CD68: variants seen among roughly 807,000 people sequenced by gnomAD.
The protein encoded by CD68 is macrosialin.
In CD68, 24 loss-of-function variants were observed where a neutral mutation model predicts 31.3. The ratio of observed to expected loss-of-function variants is 0.77; its 90% CI spans 0.55 to 1.08. The LOEUF is 1.08. Ranked by LOEUF, CD68 falls within the 50% of genes least tolerant of loss-of-function variation. CD68 has a pLI of 0.00. For synonymous variants in CD68, 190 were observed against 179.6 expected (o/e 1.06, Z -0.46); for missense variants, 461 against 442.5 (o/e 1.04, Z -0.38).
Position 7,579,961 on chromosome 17 carries a change from A to C in CD68, c.201A>C (p.Thr67=). ...CCACCACTCACAGGACAACCACCAC[A>C]GGCACCACCAGCCACGGACCCACGA... ...HKTTTHRTTT[T]GTTSHGPTTA... Residue 67 remains threonine (T), a synonymous_variant, in exon 2 of 6, where the codon ACA becomes ACC. Transcript: ENST00000250092. The C allele has an allele frequency of 6.2e-7, 1 of 1,613,604 alleles. No homozygotes were observed. Among genetic ancestry groups the C allele is most frequent in the Non-Finnish European group, 8.5e-7 (1 of 1,179,756 alleles).
At position 7,580,216 on chromosome 17, in the gene CD68, C is replaced by T. The variant is rs2150929716; in HGVS notation, c.456C>T (p.Thr152=). ...PPPPSPSPSP[T]SKETIGDYTW... ...CACCCTCTCCGAGTCCTAGCCCAAC[C>T]TCCAAGGAGACCATTGGAGACTACA... Residue 152 remains threonine, a synonymous_variant, in exon 2 of 6, where the codon ACC becomes ACT. Coordinates refer to ENST00000250092, the MANE Select transcript of CD68 (RefSeq NM_001251.3). The surrounding 1 kb of genome is among the most constrained non-coding windows in gnomAD (Gnocchi z 4.3). The T allele has an allele frequency of 6.2e-7, 1 of 1,613,664 alleles. No individual in the cohort carries two copies. Among genetic ancestry groups the T allele is most frequent in the African/African-American group, 1.3e-5 (1 of 74,828 alleles).
rs1184635806 is a variant in CD68 at position 7,581,123 on chromosome 17, T to C, written c.931+57T>C. 10 of 1,481,120 alleles carry C rather than the reference T, an allele frequency of 6.8e-6. No homozygotes were observed. The South Asian group carries it at 1.1e-4, about 17-fold the overall frequency. The allele number at this position is 1,481,120 out of a possible 1,614,324, so 91.7% of individuals were successfully genotyped here. On this transcript the variant is annotated intron_variant, in intron 5 of 5. Coordinates refer to ENST00000250092, the MANE Select transcript of CD68 (RefSeq NM_001251.3). Reference sequence around the variant, plus strand: ...TCCTCCCACTGCACTGAAAACCCCTTCCCCAGGCCCATAAGCCACTCATCT... The same window carrying C: ...TCCTCCCACTGCACTGAAAACCCCTCCCCCAGGCCCATAAGCCACTCATCT...
At position 7,580,540 on chromosome 17, in the gene CD68, G is replaced by C. The variant is rs2071470499; in HGVS notation, c.642G>C (p.Leu214=). ...GCTGTGAGGGTGCCCATCCCCACCTGCTTCTCTCATTCCCCTATGGACACC... is the reference window on the plus strand; with the variant it reads ...GCTGTGAGGGTGCCCATCCCCACCTCCTTCTCTCATTCCCCTATGGACACC... The part of the protein sequence containing the change: ...QGSCEGAHPH[L]LLSFPYGHLS... Residue 214 remains leucine (L), a synonymous_variant, in exon 3 of 6, where the codon CTG becomes CTC. Coordinates refer to ENST00000250092, the MANE Select transcript of CD68 (RefSeq NM_001251.3). The surrounding 1 kb of genome is among the most constrained non-coding windows in gnomAD (Gnocchi z 4.3). 6 of 1,613,900 alleles carry C rather than the reference G, an allele frequency of 3.7e-6. No individual in the cohort carries two copies. The highest frequency in any genetic ancestry group is 3.4e-6 in the Non-Finnish European group (4 of 1,179,994).
Position 7,579,849 on chromosome 17 carries a change from C to T in CD68, c.89C>T (p.Ala30Val), listed in dbSNP as rs746856257. Residue 30 changes from alanine (A) to valine (V), a missense_variant, in exon 2 of 6, where the codon GCT becomes GTT. Physicochemically the swap from Ala to Val is moderately conservative, Grantham distance 64. Transcript: ENST00000250092. ...AATGACTGTCCTCACAAAAAATCAG[C>T]TACTTTGCTGCCATCCTTCACGGTG... Reference protein sequence around the residue: ...TGNDCPHKKSATLLPSFTVTP... With the variant: ...TGNDCPHKKSVTLLPSFTVTP... The T allele has an allele frequency of 6.8e-6, 11 of 1,614,018 alleles. No homozygotes were observed. The highest frequency in any genetic ancestry group is 8.5e-6 in the Non-Finnish European group (10 of 1,179,986).
rs577632522 is a variant in CD68, at chr17:7,581,568, C to T, written c.*57C>T. ...GGTTGGGGTGTGGTGGGGGGGTACC[C>T]TTATTTCCTCGACACGCAACTGGCT... is the stretch of plus-strand genomic sequence containing the variant. On this transcript the variant is annotated 3_prime_UTR_variant, in exon 6 of 6. Coordinates refer to ENST00000250092, the MANE Select transcript of CD68 (RefSeq NM_001251.3). 1.3e-6 allele frequency: 2 copies of T among 1,563,058 alleles called. No homozygotes were observed. The highest frequency in any genetic ancestry group is 1.8e-6 in the Non-Finnish European group (2 of 1,136,260).
chr17:7,581,019 T>G lies in CD68; in HGVS notation c.884T>G (p.Leu295Arg), dbSNP rs1597856074. 6 of 1,614,024 alleles carry G rather than the reference T, an allele frequency of 3.7e-6. 1 individual carries two copies. In the East Asian group the frequency reaches 1.3e-4, roughly 36 times the overall value. The change falls in exon 5 of 6, where the codon CTG (leucine) becomes CGG (arginine). Residue 295 changes from leucine (L) to arginine (R), a missense_variant. Leu to Arg is a moderately radical substitution (Grantham distance 102). Transcript: ENST00000250092. ...SPAVHLDLLS[L>R]RLQAAQLPHT... is the part of the protein sequence containing the mutation. ...GCTGTCCACCTCGACCTGCTCTCCC[T>G]GAGGCTCCAGGCTGCTCAGCTGCCC...
Position 7,580,783 on chromosome 17 carries a change from C to T in CD68, c.760C>T (p.Gln254Ter), listed in dbSNP as rs9901673. The T allele has an allele frequency of 3.1e-6, 5 of 1,613,690 alleles. No individual in the cohort carries two copies. The highest frequency in any genetic ancestry group is 1.6e-4 in the Middle Eastern group (1 of 6,084). ...CAATGTGTCCTTCCCCCACGCAGCACGTAAGTAACCTCCTTCCCTTTCTCA... is the reference window on the plus strand; with the variant it reads ...CAATGTGTCCTTCCCCCACGCAGCATGTAAGTAACCTCCTTCCCTTTCTCA... ...EYNVSFPHAA[Q>*]WTFSAQNASL... The change falls in exon 4 of 6, where the codon CAG becomes TAG. Residue 254 changes from glutamine (Q) to a stop codon, truncating the protein, a stop_gained and splice_region_variant. Coordinates refer to ENST00000250092, the MANE Select transcript of CD68 (RefSeq NM_001251.3). LOFTEE classifies it high-confidence loss of function. The surrounding 1 kb of genome is among the most constrained non-coding windows in gnomAD (Gnocchi z 4.3).
In CD68 at chr17:7,580,512, G is replaced by A. The variant is rs1363401312; in HGVS notation, c.614G>A (p.Gly205Glu). The A allele has an allele frequency of 6.2e-7, 1 of 1,614,034 alleles. No homozygotes were observed. The highest frequency in any genetic ancestry group is 8.5e-7 in the Non-Finnish European group (1 of 1,180,008). ...VLNPNKTKVQ[G>E]SCEGAHPHLL... is the part of the protein sequence containing the mutation. Reference sequence around the variant, plus strand: ...AACCCCAACAAAACCAAGGTCCAGGGAAGCTGTGAGGGTGCCCATCCCCAC... The same window carrying A: ...AACCCCAACAAAACCAAGGTCCAGGAAAGCTGTGAGGGTGCCCATCCCCAC... The change falls in exon 3 of 6, where the codon GGA becomes GAA. Residue 205 changes from glycine (G) to glutamate (E), a missense_variant. Coordinates refer to ENST00000250092, the MANE Select transcript of CD68 (RefSeq NM_001251.3). This position sits in a 1 kb window ranked among gnomAD's most constrained non-coding sequence, Gnocchi z 4.3.
Position 7,580,307 on chromosome 17 carries a change from A to G in CD68, c.547A>G (p.Thr183Ala). 1.2e-6 allele frequency: 2 copies of G among 1,613,852 alleles called. No individual in the cohort carries two copies. The highest frequency in any genetic ancestry group is 1.7e-6 in the Non-Finnish European group (2 of 1,179,860). Residue 183 changes from threonine (T) to alanine (A), a missense_variant, in exon 2 of 6, where the codon ACA (threonine) becomes GCA (alanine). Transcript: ENST00000250092. The surrounding 1 kb of genome is among the most constrained non-coding windows in gnomAD (Gnocchi z 4.3). ...QAQIQIRVMY[T>A]TQGGGEAWGI... ...CCAGATTCAGATTCGAGTCATGTAC[A>G]CAACCCAGGGTGGAGGAGAGGTAAA...
chr17:7,581,682 G>A lies in CD68; in HGVS notation c.*171G>A. On this transcript the variant is annotated 3_prime_UTR_variant, in exon 6 of 6. Coordinates refer to ENST00000250092, the MANE Select transcript of CD68 (RefSeq NM_001251.3). ...CATGCCTGTAATCCCAGCACTTTGG[G>A]AGGCTGAGGCAGGTGGATCACTGGA... 2 of 676,496 alleles carry A rather than the reference G, an allele frequency of 3.0e-6. No individual in the cohort carries two copies. Among genetic ancestry groups the A allele is most frequent in the Non-Finnish European group, 4.9e-6 (2 of 410,980 alleles). The allele number at this position is 676,496 out of a possible 1,614,324, so 41.9% of individuals were successfully genotyped here. A position where few individuals can be genotyped will look rare whatever the true frequency, so the allele number is the denominator to read the frequency against.
Position 7,580,096 on chromosome 17 carries a change from C to T in CD68, c.336C>T (p.Ala112=). The change falls in exon 2 of 6, where the codon GCC becomes GCT. Residue 112 remains alanine (A), a synonymous_variant. Coordinates refer to ENST00000250092, the MANE Select transcript of CD68 (RefSeq NM_001251.3). This position sits in a 1 kb window ranked among gnomAD's most constrained non-coding sequence, Gnocchi z 4.3. ...QGPSTATHSP[A]TTSHGNATVH... ...CCTCAACTGCCACTCACAGTCCTGC[C>T]ACCACTAGTCATGGAAATGCCACGG... is the stretch of plus-strand genomic sequence containing the variant. 6.2e-7 allele frequency: 1 copy of T among 1,614,050 alleles called. No homozygotes were observed. The highest frequency in any genetic ancestry group is 8.5e-7 in the Non-Finnish European group (1 of 1,179,994).
intron 5 of CD68, 71 bp downstream of exon 5, chr17:7,581,137 A>G: frequency 2.2e-6 from 3 of 1,388,446 alleles, no homozygotes; most frequent in South Asian, 1.2e-5. Flanking sequence ...CAGGCCCATA[A>G]GCCACTCATC....
rs1597857048 is a variant in CD68 at position 7,581,855 on chromosome 17, G to C, written c.*344G>C. ...AGGCAGAACTGCTTGAACCCAGGAG[G>C]TGGAGGTTGCAGTGAGCCGTCATCG... On this transcript the variant is annotated 3_prime_UTR_variant, in exon 6 of 6. Coordinates refer to ENST00000250092, the MANE Select transcript of CD68 (RefSeq NM_001251.3). 1 of 277,644 alleles carries C rather than the reference G, an allele frequency of 3.6e-6. No individual in the cohort carries two copies. The highest frequency in any genetic ancestry group is 8.4e-5 in the East Asian group (1 of 11,914). 17.2% of individuals were successfully genotyped at this position (277,644 alleles called of 1,614,324 possible).
rs1340882773 is a variant in CD68 at position 7,581,142 on chromosome 17, C to T, written c.931+76C>T. 4.4e-6 allele frequency: 6 copies of T among 1,354,288 alleles called. No homozygotes were observed. The East Asian group carries it at 1.4e-4, about 31-fold the overall frequency. 83.9% of individuals were successfully genotyped at this position (1,354,288 alleles called of 1,614,324 possible). A position where few individuals can be genotyped will look rare whatever the true frequency, so the allele number is the denominator to read the frequency against. On this transcript the variant is annotated intron_variant, in intron 5 of 5. Transcript: ENST00000250092. ...ACCCCTTCCCCAGGCCCATAAGCCA[C>T]TCATCTCTCTTCTTAACCCCCCAAA... is the stretch of plus-strand genomic sequence containing the variant.
At position 7,579,638 on chromosome 17, in the gene CD68, G is replaced by A; in HGVS notation, c.-40G>A. ...GAGGGAGCAGGGTTGAGCAACTGGT[G>A]CAGACAGCCTAGCTGGACTTTGGGT... On this transcript the variant is annotated 5_prime_UTR_variant, in exon 1 of 6. Coordinates refer to ENST00000250092, the MANE Select transcript of CD68 (RefSeq NM_001251.3). 6.3e-7 allele frequency: 1 copy of A among 1,587,404 alleles called. No homozygotes were observed. The highest frequency in any genetic ancestry group is 1.1e-5 in the South Asian group (1 of 87,802).
Position 7,581,719 on chromosome 17 carries a change from T to G in CD68, c.*208T>G, listed in dbSNP as rs1377229091. On this transcript the variant is annotated 3_prime_UTR_variant, in exon 6 of 6. Transcript: ENST00000250092. The stretch of plus-strand genomic sequence containing the variant: ...GGTGGATCACTGGAGGTCAGGAGTT[T>G]GAGACCAGCCTGGCCAACATGGTGA... 3.7e-6 allele frequency: 2 copies of G among 540,466 alleles called. No individual in the cohort carries two copies. The highest frequency in any genetic ancestry group is 6.6e-6 in the Non-Finnish European group (2 of 302,324). The allele number at this position is 540,466 out of a possible 1,614,324, so 33.5% of individuals were successfully genotyped here. A position where few individuals can be genotyped will look rare whatever the true frequency, so the allele number is the denominator to read the frequency against.
Position 7,580,928 on chromosome 17 carries a change from C to T in CD68, c.793C>T (p.Arg265Ter), listed in dbSNP as rs2071476763. 17 of 1,614,042 alleles carry T rather than the reference C, an allele frequency of 1.1e-5. No individual in the cohort carries two copies. Among genetic ancestry groups the T allele is most frequent in the Non-Finnish European group, 1.4e-5 (16 of 1,180,002 alleles). ...ATTCTCGGCTCAGAATGCATCCCTT[C>T]GAGATCTCCAAGCACCCCTGGGGCA... Reference protein sequence around the residue: ...WTFSAQNASLRDLQAPLGQSF... With the variant: ...WTFSAQNASL The change falls in exon 5 of 6, where the codon CGA (arginine) becomes TGA (stop). Residue 265 changes from arginine (R) to a stop codon, truncating the protein, a stop_gained. Transcript: ENST00000250092. LOFTEE classifies it high-confidence loss of function. The surrounding 1 kb of genome is among the most constrained non-coding windows in gnomAD (Gnocchi z 4.3).
In CD68 at chr17:7,579,669, G is replaced by C. The variant is rs762537634; in HGVS notation, c.-9G>C. The stretch of plus-strand genomic sequence containing the variant: ...AGCCTAGCTGGACTTTGGGTGAGGC[G>C]GTTCAGCCATGAGGCTGGCTGTGCT... On this transcript the variant is annotated 5_prime_UTR_variant, in exon 1 of 6. Coordinates refer to ENST00000250092, the MANE Select transcript of CD68 (RefSeq NM_001251.3). 1 of 1,602,128 alleles carries C rather than the reference G, an allele frequency of 6.2e-7. No individual in the cohort carries two copies. Among genetic ancestry groups the C allele is most frequent in the East Asian group, 2.2e-5 (1 of 44,692 alleles).
chr17:7,581,199 G>A (rs937610343), intron 5 of CD68, 133 bp downstream of exon 5: 1 of 1,156,738 alleles, frequency 8.6e-7, no homozygotes. Flanking sequence ...TGGCTACAGG[G>A]CAGCTTTCTT....
Sources: allele counts gnomAD v4.1 joint callset, GRCh38; gene constraint gnomAD v4.1.1; non-coding constraint Gnocchi (gnomAD v3.1); transcripts MANE v1.5; gene names NCBI Gene and HGNC (gene_info 2026-07-23, HGNC 2026-07-21).